The following HECW2 variants were observed in gnomAD, a reference collection of about 807,000 sequenced individuals.
The protein encoded by HECW2 is E3 ubiquitin-protein ligase HECW2.
In HECW2, 61 loss-of-function variants were observed where a neutral mutation model predicts 175.2. That is an observed-to-expected ratio of 0.35 (90% CI 0.28 to 0.43). The LOEUF is 0.43. Ranked by LOEUF, HECW2 falls within the 20% of genes least tolerant of loss-of-function variation. HECW2 has a pLI of 1.00. For missense variants in HECW2, 1,524 were observed against 2,000.5 expected, an observed-to-expected ratio of 0.76 and a Z score of 4.54; for synonymous variants, 671 against 731.0, an observed-to-expected ratio of 0.92 and a Z score of 1.32.
chr2:196,309,404 A>T (rs1411125749), intron 10 of HECW2, among the ~76,000 whole-genome samples: 1 of 152,228 alleles, frequency 6.6e-6, no homozygotes, highest in Non-Finnish European at 1.5e-5. Flanking sequence ...CTCTACCATG[A>T]AACACCCTGC....
chr2:196,224,128 T>A (rs777280386), intron 23 of HECW2, among the ~76,000 whole-genome samples: 4 of 152,162 alleles, frequency 2.6e-5, no homozygotes, highest in Admixed American at 6.5e-5. Flanking sequence ...GTAGAACATG[T>A]ACCGTGTGTA....
chr2:196,277,035 C>T (rs1408805263), intron 15 of HECW2, among the ~76,000 whole-genome samples: 1 of 152,118 alleles, frequency 6.6e-6, no homozygotes, highest in Non-Finnish European at 1.5e-5. Context: ...GATCCAAATT[C>T]TATTGTCTAA....
intron 1 of HECW2, among the ~76,000 whole-genome samples, chr2:196,500,528 T>C (rs1687544573): frequency 6.6e-6 from 1 of 152,236 alleles, no homozygotes; most frequent in African/African-American, 2.4e-5. Flanking sequence ...GGAAAACTTT[T>C]GAGTTTCAAA....
chr2:196,222,617 G>C (rs926702177), intron 23 of HECW2, among the ~76,000 whole-genome samples: 1 of 152,156 alleles, frequency 6.6e-6, no homozygotes, highest in African/African-American at 2.4e-5. Context: ...GAGGTGCAAA[G>C]AATGAGTGCC....
chr2:196,570,214 A>G (rs1029186041), intron 1 of HECW2, among the ~76,000 whole-genome samples: 2 of 152,230 alleles, frequency 1.3e-5, no homozygotes, highest in Non-Finnish European at 2.9e-5. Flanking sequence ...AAATGGATAC[A>G]CTAGATGATC....
intron 21 of HECW2, among the ~76,000 whole-genome samples, chr2:196,235,062 A>G (rs1307691866): frequency 6.6e-6 from 1 of 152,060 alleles, no homozygotes; most frequent in Non-Finnish European, 1.5e-5. Flanking sequence ...CTAATCAACT[A>G]AAGTATTTGT....
chr2:196,493,184 C>T (rs975941485), intron 1 of HECW2: 1 of 152,168 alleles, frequency 6.6e-6, no homozygotes, highest in Non-Finnish European at 1.5e-5. Context: ...GCCTGGATAA[C>T]ACAGCAAGAC....
intron 2 of HECW2, among the ~76,000 whole-genome samples, chr2:196,387,816 A>G (rs764920835): frequency 7.9e-5 from 12 of 152,160 alleles, no homozygotes; most frequent in Non-Finnish European, 1.6e-4. Flanking sequence ...AGAAAATAAC[A>G]TGCCAAATTA....
At chr2:196,314,845 T>C (rs1446575349) in intron 10 of HECW2, among the ~76,000 whole-genome samples, 1 of 152,160 alleles carries the variant, frequency 6.6e-6, no homozygotes, top group African/African-American at 2.4e-5. Context: ...CACCCCAAGC[T>C]GAGCCCAGAA....
At chr2:196,405,016 A>C (rs1444055622) in intron 2 of HECW2, among the ~76,000 whole-genome samples, 5 of 147,580 alleles carry the variant, frequency 3.4e-5, no homozygotes, top group Non-Finnish European at 7.5e-5. Flanking sequence ...TATTTTTAGT[A>C]GAGATGGGGT....
intron 8 of HECW2, 52 bp from the exon 9 acceptor site, chr2:196,319,956 C>T (rs763662176): frequency 1.9e-5 from 28 of 1,491,924 alleles, no homozygotes; most frequent in Non-Finnish European, 2.4e-5. Context: ...AATAAGTGAA[C>T]GTTTTATGAC....
At position 196,417,881 on chromosome 2, in the gene HECW2, A is replaced by G. The variant is rs189899305; in HGVS notation, c.292+15251T>C. On this transcript the variant is annotated intron_variant, in intron 2 of 28. Coordinates refer to ENST00000644978, the MANE Select transcript of HECW2 (RefSeq NM_001348768.2). ...TCCTTTTCATGGTGAATGCTTTACA[A>G]TGTCAAAAATATGCCACAGACTTAC... 4.4e-3 allele frequency among the ~76,000 whole-genome samples: 667 copies of G among 152,302 alleles called. 17 individuals are homozygous for G. Among genetic ancestry groups the G allele is most frequent in the Admixed American group, 0.039 (595 of 15,302 alleles).
intron 2 of HECW2, among the ~76,000 whole-genome samples, chr2:196,357,752 G>A (rs1693429037): frequency 1.3e-5 from 2 of 152,154 alleles, no homozygotes; most frequent in Non-Finnish European, 2.9e-5. Context: ...GTTCTCATGA[G>A]ATCTGATGGT....
intron 1 of HECW2, among the ~76,000 whole-genome samples, chr2:196,579,717 A>G (rs1008858759): frequency 3.3e-5 from 5 of 152,192 alleles, no homozygotes; most frequent in African/African-American, 1.2e-4. Context: ...GGCCATTAGT[A>G]TAGACCTTAA....
intron 17 of HECW2, among the ~76,000 whole-genome samples, chr2:196,265,160 T>G (rs1054172655): frequency 1.3e-5 from 2 of 152,114 alleles, no homozygotes; most frequent in Non-Finnish European, 2.9e-5. Flanking sequence ...ACAGCACCAC[T>G]AAAAAGCCCT....
chr2:196,426,963 A>G (rs545652178), intron 2 of HECW2, among the ~76,000 whole-genome samples: 262 of 152,314 alleles, frequency 1.7e-3, no homozygotes, highest in Non-Finnish European at 3.1e-3. Flanking sequence ...TTTAAGACTG[A>G]CAGTCAAAAT....
At chr2:196,240,848 T>A (rs561944126) in intron 20 of HECW2, among the ~76,000 whole-genome samples, 1 of 143,834 alleles carries the variant, frequency 7.0e-6, no homozygotes, top group Admixed American at 7.0e-5. Flanking sequence ...AGAAAAAAAA[T>A]GATCATAAAA....
intron 10 of HECW2, among the ~76,000 whole-genome samples, chr2:196,313,712 G>A (rs1279358209): frequency 1.3e-5 from 2 of 151,972 alleles, no homozygotes; most frequent in Non-Finnish European, 2.9e-5. Context: ...ATGATGAAAA[G>A]GTGCTAAAAT....
chr2:196,531,429 G>A (rs1173520533), intron 1 of HECW2, among the ~76,000 whole-genome samples: 1 of 152,156 alleles, frequency 6.6e-6, no homozygotes, highest in East Asian at 1.9e-4. Context: ...AGGCTGAAGT[G>A]GATGGATCAC....
Sources: gnomAD v4.1 joint callset for allele counts (sites outside exome capture counted in the v4.1 genomes callset) on GRCh38, gnomAD v4.1.1 for gene constraint, MANE v1.5 for transcripts, NCBI Gene and HGNC (gene_info 2026-07-23, HGNC 2026-07-21) for gene names.